SNRNP48: variants seen among roughly 807,000 people sequenced by gnomAD.
The protein encoded by SNRNP48 is small nuclear ribonucleoprotein U11/U12 subunit 48, also known as U11/U12 small nuclear ribonucleoprotein 48 kDa protein.
In SNRNP48, 43 loss-of-function variants were observed where a neutral mutation model predicts 47.0. The ratio of observed to expected loss-of-function variants is 0.92; its 90% CI spans 0.72 to 1.18. The LOEUF (loss-of-function observed/expected upper bound fraction) is 1.18, where lower values mean the gene tolerates loss of function less well. Ranked by LOEUF, SNRNP48 falls within the 50% of genes most tolerant of loss-of-function variation. The probability of loss-of-function intolerance (pLI) is 0.00; values close to 1 mark genes in which losing one functional copy is unlikely to be tolerated. For synonymous variants in SNRNP48, 138 were observed against 144.0 expected (o/e 0.96, Z 0.30); for missense variants, 396 against 422.2 (o/e 0.94, Z 0.54).
intron 4 of SNRNP48, chr6:7,599,899 A>G (rs1759981155): frequency 9.9e-7 from 1 of 1,012,198 alleles, no homozygotes. Flanking sequence ...ATTGAAGAAA[A>G]GGCTAAAATA....
At position 7,605,474 on chromosome 6, in the gene SNRNP48, A is replaced by T. The variant is rs755575342; in HGVS notation, c.794A>T (p.Asp265Val). The change falls in exon 7 of 9, where the codon GAT becomes GTT. Residue 265 changes from aspartate (D) to valine (V), a missense_variant. Coordinates refer to ENST00000342415, the MANE Select transcript of SNRNP48 (RefSeq NM_152551.4). ...HWQEEQEKAE[D>V]DAEKNEERRS... ...CAAGAAGAGCAAGAGAAGGCAGAGG[A>T]TGATGCCGAAAAGTACGTCATTATC... 1.2e-6 allele frequency: 2 copies of T among 1,613,884 alleles called. No individual in the cohort carries two copies. The highest frequency in any genetic ancestry group is 1.7e-6 in the Non-Finnish European group (2 of 1,179,916).
rs996872338 is a variant in SNRNP48 at position 7,605,365 on chromosome 6, C to G, written c.718-33C>G. The G allele has an allele frequency of 2.5e-6, 4 of 1,581,598 alleles. No individual in the cohort carries two copies. The African/African-American group carries it at 5.4e-5, about 21-fold the overall frequency. ...CAGTCTTAATTTTTTGAGCAGTTTT[C>G]TTACCTGAAGTTCGGTGCTTACCTC... is the stretch of plus-strand genomic sequence containing the variant. On this transcript the variant is annotated intron_variant, in intron 6 of 8. Coordinates refer to ENST00000342415, the MANE Select transcript of SNRNP48 (RefSeq NM_152551.4).
chr6:7,599,605 A>G, intron 4 of SNRNP48: 1 of 947,156 alleles, frequency 1.1e-6, no homozygotes, highest in East Asian at 6.2e-5. Flanking sequence ...GTTGTCAGAA[A>G]TATCTATGTT....
At position 7,601,955 on chromosome 6, in the gene SNRNP48, G is replaced by A. The variant is rs561097413; in HGVS notation, c.595+431G>A. Reference sequence around the variant, plus strand: ...TGCAATCTCTGCCTCCCAAGCTGAAGCAATTCTCGTGCCTCAGCCTCCTGA... The same window carrying A: ...TGCAATCTCTGCCTCCCAAGCTGAAACAATTCTCGTGCCTCAGCCTCCTGA... On this transcript the variant is annotated intron_variant, in intron 5 of 8. Coordinates refer to ENST00000342415, the MANE Select transcript of SNRNP48 (RefSeq NM_152551.4). Among the ~76,000 whole-genome samples the A allele has an allele frequency of 9.3e-4, 142 of 152,210 alleles. 1 individual carries two copies. Among genetic ancestry groups the A allele is most frequent in the African/African-American group, 3.2e-3 (133 of 41,514 alleles).
chr6:7,605,048 T>G (rs1760099637), intron 6 of SNRNP48, among the ~76,000 whole-genome samples: 1 of 152,158 alleles, frequency 6.6e-6, no homozygotes, highest in Non-Finnish European at 1.5e-5. Context: ...ACTCTCTCGA[T>G]CTCGATCTGT....
intron 5 of SNRNP48, among the ~76,000 whole-genome samples, chr6:7,602,101 G>A (rs1760035015): frequency 6.6e-6 from 1 of 152,126 alleles, no homozygotes; most frequent in Admixed American, 6.6e-5. Context: ...TGATCCTCCT[G>A]TCTTGGCCTC....
At chr6:7,594,641 T>C (rs1225102978) in intron 3 of SNRNP48, among the ~76,000 whole-genome samples, 1 of 152,216 alleles carries the variant, frequency 6.6e-6, no homozygotes, top group East Asian at 1.9e-4. Flanking sequence ...AATAGCACTT[T>C]GCGAAGATTA....
At chr6:7,607,338 A>G (rs1760146259) in intron 8 of SNRNP48, among the ~76,000 whole-genome samples, 1 of 152,202 alleles carries the variant, frequency 6.6e-6, no homozygotes, top group African/African-American at 2.4e-5. Flanking sequence ...AGAACTCTTC[A>G]GTGGCAAAAT....
intron 4 of SNRNP48, 38 bp from the exon 5 acceptor site, chr6:7,601,298 A>G (rs370883965): frequency 1.8e-5 from 26 of 1,481,848 alleles, no homozygotes; most frequent in Non-Finnish European, 2.3e-5. Context: ...ACAATGCTTC[A>G]TGTATTGTTT....
rs754164366 is a variant in SNRNP48 at position 7,606,108 on chromosome 6, A to G, written c.884A>G (p.His295Arg). 2 of 1,614,038 alleles carry G rather than the reference A, an allele frequency of 1.2e-6. No individual in the cohort carries two copies. Among genetic ancestry groups the G allele is most frequent in the Non-Finnish European group, 1.7e-6 (2 of 1,179,968 alleles). ...TATTTGGATGCTGAGTGTTCACGAC[A>G]TAGAAGGGATAGGAGTAGAAGCCCA... ...GSYLDAECSR[H>R]RRDRSRSPHK... Residue 295 changes from histidine (H) to arginine (R), a missense_variant, in exon 8 of 9, where the codon CAT becomes CGT. Transcript: ENST00000342415.
intron 8 of SNRNP48, among the ~76,000 whole-genome samples, chr6:7,606,459 T>C (rs752420453): frequency 6.6e-6 from 1 of 152,234 alleles, no homozygotes; most frequent in East Asian, 1.9e-4. Flanking sequence ...ACAGGACATA[T>C]GAAAGTATTG....
chr6:7,591,299 T>G (rs1306314378), intron 1 of SNRNP48, among the ~76,000 whole-genome samples: 1 of 152,206 alleles, frequency 6.6e-6, no homozygotes, highest in Non-Finnish European at 1.5e-5. Flanking sequence ...TTTAAAAATG[T>G]AGGCAAGTGT....
At chr6:7,603,402 A>T (rs1271514941) in intron 6 of SNRNP48, among the ~76,000 whole-genome samples, 1 of 152,144 alleles carries the variant, frequency 6.6e-6, no homozygotes, top group African/African-American at 2.4e-5. Context: ...CTCTACAAAT[A>T]ATTGCCTCAT....
chr6:7,590,476 G>A (rs1032369073), intron 1 of SNRNP48, 63 bp downstream of exon 1: 39 of 1,252,754 alleles, frequency 3.1e-5, no homozygotes, highest in Non-Finnish European at 3.5e-5. Flanking sequence ...TCTGGAAGAA[G>A]GGAGATCCGC....
chr6:7,597,932 C>G (rs1192955444), intron 4 of SNRNP48, among the ~76,000 whole-genome samples: 4 of 148,004 alleles, frequency 2.7e-5, no homozygotes, highest in African/African-American at 7.5e-5. Context: ...GTGGCACAAT[C>G]TCTACTCACT....
rs1759790939 is a variant in SNRNP48, at chr6:7,590,294, C to T, written c.37C>T (p.Arg13Trp). Residue 13 changes from arginine to tryptophan, a missense_variant, in exon 1 of 9, where the codon CGG (arginine) becomes TGG (tryptophan). Transcript: ENST00000342415. Reference protein sequence around the residue: ...GEPPPVEERRRLQEELNEFVE... With the variant: ...GEPPPVEERRWLQEELNEFVE... Reference sequence around the variant, plus strand: ...GCCTCCACCTGTGGAGGAGCGGCGGCGGCTGCAGGAGGAGCTGAACGAGTT... The same window carrying T: ...GCCTCCACCTGTGGAGGAGCGGCGGTGGCTGCAGGAGGAGCTGAACGAGTT... The T allele has an allele frequency of 2.9e-6, 4 of 1,372,406 alleles. No homozygotes were observed. Among genetic ancestry groups the T allele is most frequent in the East Asian group, 2.8e-5 (1 of 36,066 alleles). The allele number at this position is 1,372,406 out of a possible 1,614,324, so 85.0% of individuals were successfully genotyped here.
At chr6:7,594,062 T>C (rs1323585905) in intron 2 of SNRNP48, 37 bp from the exon 3 acceptor site, 1 of 1,217,254 alleles carries the variant, frequency 8.2e-7, no homozygotes, top group South Asian at 1.5e-5. Context: ...TAGTCAATTA[T>C]CTGATACTTA....
chr6:7,594,910 A>T, intron 3 of SNRNP48, 117 bp from the exon 4 acceptor site: 1 of 754,820 alleles, frequency 1.3e-6, no homozygotes, highest in Non-Finnish European at 2.1e-6. Flanking sequence ...GATGTTTCTT[A>T]AGATTCTGGA....
At chr6:7,591,286 T>C (rs1239891489) in intron 1 of SNRNP48, among the ~76,000 whole-genome samples, 1 of 152,224 alleles carries the variant, frequency 6.6e-6, no homozygotes, top group Non-Finnish European at 1.5e-5. Flanking sequence ...TTAGAATTGC[T>C]TTTTTAAAAA....
Sources: gnomAD v4.1 joint callset for allele counts (sites outside exome capture counted in the v4.1 genomes callset) on GRCh38, gnomAD v4.1.1 for gene constraint, MANE v1.5 for transcripts, NCBI Gene and HGNC (gene_info 2026-07-23, HGNC 2026-07-21) for gene names.